ZMYND12: variants seen among roughly 807,000 people sequenced by gnomAD.
ZMYND12 encodes zinc finger MYND-type containing 12, also known as zinc finger MYND domain-containing protein 12.
A neutral mutation model predicts 41.7 loss-of-function variants in ZMYND12; 32 were observed. The observed-to-expected ratio is 0.77, with a 90% CI of 0.58 to 1.03. The LOEUF is 1.03. Ranked by LOEUF, ZMYND12 falls within the 50% of genes least tolerant of loss-of-function variation. The pLI is 0.00. For synonymous variants in ZMYND12, 148 were observed against 164.8 expected, an observed-to-expected ratio of 0.90 and a Z score of 0.78; for missense variants, 424 against 438.5, an observed-to-expected ratio of 0.97 and a Z score of 0.30.
intron 3 of ZMYND12, among the ~76,000 whole-genome samples, chr1:42,440,856 CA>C (rs1363455250): frequency 6.6e-6 from 1 of 152,004 alleles, no homozygotes; most frequent in Non-Finnish European, 1.5e-5. Context: ...TTAGTAGAGA[CA>C]GGGTTTCACC....
chr1:42,441,526 G>A (rs544530854), intron 3 of ZMYND12, among the ~76,000 whole-genome samples: 22 of 152,272 alleles, frequency 1.4e-4, no homozygotes, highest in African/African-American at 5.3e-4. Context: ...TAAATGCTAT[G>A]TAAATAGTTG....
At position 42,448,649 on chromosome 1, in the gene ZMYND12, G is replaced by C. The variant is rs762751531; in HGVS notation, c.253-11C>G. The C allele has an allele frequency of 3.7e-6, 6 of 1,603,396 alleles. No individual in the cohort carries two copies. Among genetic ancestry groups the C allele is most frequent in the Non-Finnish European group, 5.1e-6 (6 of 1,174,236 alleles). The stretch of plus-strand genomic sequence containing the variant: ...TTCAATCAAATACTTCTGTGGAAGA[G>C]AGAAACAGACTATCTGAGACAGTCT... On this transcript the variant is annotated splice_polypyrimidine_tract_variant and intron_variant, in intron 2 of 7. Transcript: ENST00000372565.
Position 42,448,626 on chromosome 1 carries a change from C to A in ZMYND12, c.265G>T (p.Glu89Ter). ...TTCTGGGCTATGGTGTAGCAGAATT[C>A]AATCAAATACTTCTGTGGAAGAGAG... ...QLQQRQKYLI[E>*]FCYTIAQKYL... Residue 89 changes from glutamate to a stop codon, truncating the protein, a stop_gained, in exon 3 of 8, where the codon GAA becomes TAA. Coordinates refer to ENST00000372565, the MANE Select transcript of ZMYND12 (RefSeq NM_032257.5). LOFTEE classifies it high-confidence loss of function. 1 of 1,609,320 alleles carries A rather than the reference C, an allele frequency of 6.2e-7. No homozygotes were observed.
intron 7 of ZMYND12, among the ~76,000 whole-genome samples, chr1:42,431,855 C>G (rs72968270): frequency 0.017 from 2,599 of 152,198 alleles, 74 homozygotes; most frequent in African/African-American, 0.06. Flanking sequence ...TCTATTATAA[C>G]CTGTGAGCTC....
Position 42,449,982 on chromosome 1 carries a change from G to A in ZMYND12, c.188C>T (p.Ser63Phe). The change falls in exon 2 of 8, where the codon TCC becomes TTC. Residue 63 changes from serine (S) to phenylalanine (F), a missense_variant. Physicochemically the swap from Ser to Phe is radical, Grantham distance 155 (BLOSUM62 -2). Transcript: ENST00000372565. The part of the protein sequence containing the change: ...ICQLLIPLRT[S>F]MPFYNSEEER... ...TTCCTCTGAATTGTAGAAGGGCATGGAAGTGCGCAGTGGAATCAAGAGCTG... is the reference window on the plus strand; with the variant it reads ...TTCCTCTGAATTGTAGAAGGGCATGAAAGTGCGCAGTGGAATCAAGAGCTG... 1 of 1,613,894 alleles carries A rather than the reference G, an allele frequency of 6.2e-7. No individual in the cohort carries two copies. Among genetic ancestry groups the A allele is most frequent in the Non-Finnish European group, 8.5e-7 (1 of 1,180,028 alleles).
chr1:42,440,770 G>A (rs1199039421), intron 3 of ZMYND12, among the ~76,000 whole-genome samples: 1 of 152,072 alleles, frequency 6.6e-6, no homozygotes, highest in Non-Finnish European at 1.5e-5. Context: ...TCAGGTTCAA[G>A]TGATTCTCAT....
chr1:42,454,085 G>A lies in ZMYND12; in HGVS notation c.110+1803C>T, dbSNP rs553204807. On this transcript the variant is annotated intron_variant, in intron 1 of 7. Transcript: ENST00000372565. Reference sequence around the variant, plus strand: ...CTGAAGGATGAAAGGGAGCCAGGAAGGCTTGTAGTTGAAGGGGAGGTTCCT... The same window carrying A: ...CTGAAGGATGAAAGGGAGCCAGGAAAGCTTGTAGTTGAAGGGGAGGTTCCT... 7.9e-5 allele frequency among the ~76,000 whole-genome samples: 12 copies of A among 152,328 alleles called. No individual in the cohort carries two copies. The South Asian group carries it at 2.5e-3, about 32-fold the overall frequency.
Position 42,448,566 on chromosome 1 carries a change from G to T in ZMYND12, c.325C>A (p.Pro109Thr). 1 of 1,613,802 alleles carries T rather than the reference G, an allele frequency of 6.2e-7. No individual in the cohort carries two copies. Among genetic ancestry groups the T allele is most frequent in the Non-Finnish European group, 8.5e-7 (1 of 1,179,862 alleles). ...AAGCGAAGGGACTGCAAAGCTGCTG[G>T]TACAGCATCTTCGTGTTTCCCTTCA... ...LFEGKHEDAVPAALQSLRFRV... is the reference protein window; with the variant it reads ...LFEGKHEDAVTAALQSLRFRV... The change falls in exon 3 of 8, where the codon CCA becomes ACA. Residue 109 changes from proline (P) to threonine (T), a missense_variant. Pro to Thr is a conservative substitution (Grantham distance 38). Coordinates refer to ENST00000372565, the MANE Select transcript of ZMYND12 (RefSeq NM_032257.5).
At chr1:42,452,057 T>G (rs184670660) in intron 1 of ZMYND12, among the ~76,000 whole-genome samples, 57 of 151,598 alleles carry the variant, frequency 3.8e-4, no homozygotes, top group Admixed American at 1.2e-3. Flanking sequence ...TATTATCATG[T>G]TTTTTTTTAA....
intron 1 of ZMYND12, 46 bp downstream of exon 1, chr1:42,455,842 A>T (rs1643165023): frequency 2.1e-6 from 3 of 1,427,802 alleles, no homozygotes; most frequent in Non-Finnish European, 1.9e-6. Context: ...GGAAAGGGAG[A>T]GAGGGAGGGA....
chr1:42,443,237 T>G (rs1052613145), intron 3 of ZMYND12, among the ~76,000 whole-genome samples: 1 of 152,200 alleles, frequency 6.6e-6, no homozygotes, highest in Non-Finnish European at 1.5e-5. Flanking sequence ...AATGGGCTAC[T>G]ACTAGCCCAT....
intron 3 of ZMYND12, 37 bp downstream of exon 3, chr1:42,448,430 T>C (rs1337626105): frequency 1.0e-5 from 16 of 1,534,836 alleles, no homozygotes; most frequent in Non-Finnish European, 1.4e-5. Flanking sequence ...ATAACACCAC[T>C]TAAGGGATCC....
In ZMYND12 at chr1:42,452,571, C is replaced by T. The variant is rs545804370; in HGVS notation, c.111-2512G>A. Among the ~76,000 whole-genome samples, 984 of 152,166 alleles carry T rather than the reference C, an allele frequency of 6.5e-3. 14 individuals carry two copies. Among genetic ancestry groups the T allele is most frequent in the African/African-American group, 0.023 (945 of 41,504 alleles). On this transcript the variant is annotated intron_variant, in intron 1 of 7. Transcript: ENST00000372565. The stretch of plus-strand genomic sequence containing the variant: ...CAAAAAAATTAGCCAGGCGTGGTGG[C>T]GCATCCCTGTAATCCCAGCTACTTG...
intron 4 of ZMYND12, among the ~76,000 whole-genome samples, chr1:42,436,946 C>T (rs1642914471): frequency 6.6e-6 from 1 of 152,080 alleles, no homozygotes; most frequent in African/African-American, 2.4e-5. Context: ...CTACATGACC[C>T]AGAAATTCCT....
At chr1:42,451,739 T>C (rs781608462) in intron 1 of ZMYND12, among the ~76,000 whole-genome samples, 1 of 152,230 alleles carries the variant, frequency 6.6e-6, no homozygotes, top group Admixed American at 6.5e-5. Flanking sequence ...TAGAGAATTA[T>C]TATAAACAGA....
chr1:42,440,049 T>G, intron 3 of ZMYND12, 24 bp from the exon 4 acceptor site: 1 of 1,574,744 alleles, frequency 6.4e-7, no homozygotes, highest in Non-Finnish European at 8.6e-7. Context: ...GAAAAGAAGG[T>G]TATAATTCAT....
chr1:42,433,701 G>A (rs995864115), intron 6 of ZMYND12, among the ~76,000 whole-genome samples: 2 of 152,210 alleles, frequency 1.3e-5, no homozygotes, highest in Non-Finnish European at 2.9e-5. Flanking sequence ...ACTGGGGGAA[G>A]GGACTTCTTG....
intron 1 of ZMYND12, among the ~76,000 whole-genome samples, 179 bp from the exon 2 acceptor site, chr1:42,450,238 T>C (rs1490219511): frequency 1.3e-5 from 2 of 152,204 alleles, no homozygotes; most frequent in East Asian, 3.9e-4. Flanking sequence ...TATTTGATGA[T>C]GTATAAACTG....
At chr1:42,450,305 C>T (rs1052111543) in intron 1 of ZMYND12, among the ~76,000 whole-genome samples, 7 of 152,188 alleles carry the variant, frequency 4.6e-5, no homozygotes, top group Non-Finnish European at 8.8e-5. Context: ...TCTGAAGTCA[C>T]ACAGGGATGC....
Sources: gnomAD v4.1 joint callset for allele counts (sites outside exome capture counted in the v4.1 genomes callset) on GRCh38, gnomAD v4.1.1 for gene constraint, MANE v1.5 for transcripts, NCBI Gene and HGNC (gene_info 2026-07-23, HGNC 2026-07-21) for gene names.